KREMEN1: variants seen among roughly 807,000 people sequenced by gnomAD.
The protein encoded by KREMEN1 is kringle containing transmembrane protein 1.
In KREMEN1, 30 loss-of-function variants were observed where a neutral mutation model predicts 46.5. The observed-to-expected ratio is 0.65, with a 90% CI of 0.48 to 0.88. KREMEN1 has a LOEUF of 0.88. KREMEN1 is among the 40% of genes least tolerant of loss of function. KREMEN1 has a pLI of 0.00. For missense variants in KREMEN1, 533 were observed against 596.9 expected (o/e 0.89, Z 1.11); for synonymous variants, 214 against 230.6 (o/e 0.93, Z 0.65).
At chr22:29,105,629 G>T (rs1372354361) in intron 3 of KREMEN1, among the ~76,000 whole-genome samples, 3 of 152,200 alleles carry the variant, frequency 2.0e-5, no homozygotes, top group African/African-American at 4.8e-5. Flanking sequence ...TATGGTCTGG[G>T]TATGAAGCCT....
At chr22:29,088,854 GT>G (rs776302460) in intron 1 of KREMEN1, among the ~76,000 whole-genome samples, 9 of 152,160 alleles carry the variant, frequency 5.9e-5, no homozygotes, top group Non-Finnish European at 1.2e-4. Flanking sequence ...GGTTAGGCAA[GT>G]GCTTGTAGCT....
chr22:29,111,822 A>G (rs1368450283), intron 3 of KREMEN1: 1 of 152,168 alleles, frequency 6.6e-6, no homozygotes, highest in Admixed American at 6.5e-5. Context: ...AAACATAATA[A>G]TAGTCAGGGC....
intron 3 of KREMEN1, among the ~76,000 whole-genome samples, chr22:29,104,993 T>G (rs1411196203): frequency 2.6e-5 from 4 of 152,346 alleles, no homozygotes; most frequent in Admixed American, 1.3e-4. Context: ...CTGTCAGACC[T>G]TGTACAAAAC....
Position 29,144,697 on chromosome 22 carries a change from C to T in KREMEN1, c.*2585C>T, listed in dbSNP as rs1253024176. 2.0e-6 allele frequency: 2 copies of T among 985,510 alleles called. No individual in the cohort carries two copies. The highest frequency in any genetic ancestry group is 1.1e-4 in the East Asian group (1 of 8,816). The allele number at this position is 985,510 out of a possible 1,614,324, so 61.0% of individuals were successfully genotyped here. A position where few individuals can be genotyped will look rare whatever the true frequency, so the allele number is the denominator to read the frequency against. On this transcript the variant is annotated 3_prime_UTR_variant, in exon 9 of 9. Transcript: ENST00000400335. ...AGCACAAAGGGAATGTGGCACGTGG[C>T]CCCAGGAAGAGTTCACCCGGCCAGG...
intron 1 of KREMEN1, among the ~76,000 whole-genome samples, chr22:29,080,941 C>CTTCTTTTTTT (rs134612): frequency 2.7e-5 from 3 of 112,274 alleles, no homozygotes; most frequent in Non-Finnish European, 3.5e-5. Context: ...TTTTTTTGTC[C>CTTCTTTTTTT]TTTTTTTTTT....
rs984522693 is a variant in KREMEN1, at chr22:29,145,808, A to G, written c.*3696A>G. The G allele has an allele frequency of 1.1e-5, 11 of 985,364 alleles. No homozygotes were observed. The highest frequency in any genetic ancestry group is 6.0e-6 in the Non-Finnish European group (5 of 829,972). The allele number at this position is 985,364 out of a possible 1,614,324, so 61.0% of individuals were successfully genotyped here. On this transcript the variant is annotated 3_prime_UTR_variant, in exon 9 of 9. Transcript: ENST00000400335. Reference sequence around the variant, plus strand: ...GAGTGGGCTCTGGCTCAAGACTCCAATCGGCCAGAAGCCCACAGAGATCAA... The same window carrying G: ...GAGTGGGCTCTGGCTCAAGACTCCAGTCGGCCAGAAGCCCACAGAGATCAA...
At chr22:29,158,391 A>G (rs923780002) in intron 9 of KREMEN1, among the ~76,000 whole-genome samples, 1 of 152,170 alleles carries the variant, frequency 6.6e-6, no homozygotes, top group African/African-American at 2.4e-5. Context: ...AAGAGGATGT[A>G]AGAGGGCACT....
chr22:29,165,894 G>A (rs1002340626), intron 9 of KREMEN1, among the ~76,000 whole-genome samples: 11 of 152,186 alleles, frequency 7.2e-5, no homozygotes, highest in South Asian at 6.2e-4. Flanking sequence ...CTGGGAGGGC[G>A]CCCGTTAGCA....
At chr22:29,096,310 T>C (rs1001028222) in intron 2 of KREMEN1, among the ~76,000 whole-genome samples, 2 of 152,236 alleles carry the variant, frequency 1.3e-5, no homozygotes, top group African/African-American at 4.8e-5. Flanking sequence ...TCTATTGCTC[T>C]GTTGCTTCCT....
intron 5 of KREMEN1, among the ~76,000 whole-genome samples, chr22:29,126,595 C>T (rs1406971138): frequency 6.6e-6 from 1 of 152,188 alleles, no homozygotes; most frequent in Non-Finnish European, 1.5e-5. Flanking sequence ...CATCTTAACT[C>T]GGTTACATAA....
chr22:29,135,092 G>A (rs931561481), intron 5 of KREMEN1, among the ~76,000 whole-genome samples: 3 of 152,196 alleles, frequency 2.0e-5, no homozygotes, highest in African/African-American at 4.8e-5. Flanking sequence ...ACTGCCTTGC[G>A]TCTGTGGTGG....
At chr22:29,118,265 A>T (rs749664515) in intron 3 of KREMEN1, among the ~76,000 whole-genome samples, 18 of 152,234 alleles carry the variant, frequency 1.2e-4, no homozygotes, top group African/African-American at 4.1e-4. Context: ...TGCAAGCAAG[A>T]TGAAGTCATA....
In KREMEN1 at chr22:29,129,065, C is replaced by T. The variant is rs1043206980; in HGVS notation, c.631+3649C>T. 1.6e-4 allele frequency among the ~76,000 whole-genome samples: 24 copies of T among 152,352 alleles called. 1 individual carries two copies. The highest frequency in any genetic ancestry group is 1.3e-3 in the Admixed American group (20 of 15,304). The stretch of plus-strand genomic sequence containing the variant: ...GGCTGGCATTCTGAGAGGCTGCTCA[C>T]GCCATCCTCCAGAGGCCCAGATGCC... On this transcript the variant is annotated intron_variant, in intron 5 of 8. Coordinates refer to ENST00000400335, the MANE Select transcript of KREMEN1 (RefSeq NM_001039570.3).
chr22:29,120,525 T>G (rs1390059413), intron 3 of KREMEN1, among the ~76,000 whole-genome samples: 2 of 111,124 alleles, frequency 1.8e-5, no homozygotes, highest in Non-Finnish European at 3.7e-5. Context: ...GGAGAGGTGA[T>G]GATGGAAACG....
At chr22:29,136,218 G>A (rs577621844) in intron 5 of KREMEN1, among the ~76,000 whole-genome samples, 15 of 149,992 alleles carry the variant, frequency 1.0e-4, no homozygotes, top group East Asian at 6.4e-4. Flanking sequence ...CACCGCGCCC[G>A]GACTGCTTGT....
intron 1 of KREMEN1, among the ~76,000 whole-genome samples, chr22:29,082,676 G>C (rs1181865294): frequency 6.6e-6 from 1 of 152,152 alleles, no homozygotes; most frequent in Non-Finnish European, 1.5e-5. Flanking sequence ...ACAGGCTATT[G>C]GAAACAGGGC....
chr22:29,110,857 C>T (rs1292777235), intron 3 of KREMEN1, among the ~76,000 whole-genome samples: 7 of 152,116 alleles, frequency 4.6e-5, no homozygotes, highest in African/African-American at 7.2e-5. Flanking sequence ...CTTACGGTCA[C>T]GGGTCTGAGG....
intron 3 of KREMEN1, among the ~76,000 whole-genome samples, chr22:29,119,777 A>G (rs2038300868): frequency 6.6e-6 from 1 of 152,268 alleles, no homozygotes; most frequent in Non-Finnish European, 1.5e-5. Context: ...TGAAACACTA[A>G]TATGCTCAGT....
chr22:29,160,660 C>CA (rs1243842708), intron 9 of KREMEN1, among the ~76,000 whole-genome samples: 1 of 151,136 alleles, frequency 6.6e-6, no homozygotes, highest in Non-Finnish European at 1.5e-5. Context: ...GGCACAAAAT[C>CA]AAAAAAATTC....
Sources: gnomAD v4.1 joint callset for allele counts (sites outside exome capture counted in the v4.1 genomes callset) on GRCh38, gnomAD v4.1.1 for gene constraint, MANE v1.5 for transcripts, NCBI Gene and HGNC (gene_info 2026-07-23, HGNC 2026-07-21) for gene names.